The following ACAD10 variants were observed in gnomAD, a reference collection of about 807,000 sequenced individuals.
ACAD10 encodes ACAD-10.
A neutral mutation model predicts 116.8 loss-of-function variants in ACAD10; 112 were observed. That is an observed-to-expected ratio of 0.96 (90% CI 0.82 to 1.12). ACAD10 has a LOEUF of 1.12. Ranked by LOEUF, ACAD10 falls within the 50% of genes most tolerant of loss-of-function variation. The pLI is 0.00. For missense variants in ACAD10, 1,259 were observed against 1,350.2 expected (o/e 0.93, Z 1.06); for synonymous variants, 486 against 510.6 (o/e 0.95, Z 0.65).
At chr12:111,721,544 G>T in intron 7 of ACAD10, 127 bp from the exon 8 acceptor site, 1 of 804,228 alleles carries the variant, frequency 1.2e-6, no homozygotes, top group Admixed American at 2.6e-5. Flanking sequence ...CTCCAGCCTG[G>T]GTAACAGAGC....
intron 17 of ACAD10, 50 bp from the exon 18 acceptor site, chr12:111,749,123 A>G: frequency 9.3e-6 from 15 of 1,613,930 alleles, no homozygotes; most frequent in Non-Finnish European, 1.3e-5. Flanking sequence ...AAACACATCC[A>G]AGGAAAATGA....
chr12:111,752,780 G>C (rs555429004), intron 18 of ACAD10: 1 of 147,848 alleles, frequency 6.8e-6, no homozygotes, highest in African/African-American at 2.5e-5. Flanking sequence ...CTCTTTTTTT[G>C]TTCTGAAAAC....
chr12:111,744,037 C>T (rs1045733518), intron 12 of ACAD10, among the ~76,000 whole-genome samples: 18 of 151,994 alleles, frequency 1.2e-4, no homozygotes, highest in Admixed American at 3.3e-4. Context: ...TGTGAGCCAC[C>T]GCACCTGGCC....
chr12:111,745,080 C>T (rs781039801), intron 13 of ACAD10, 37 bp downstream of exon 13: 1 of 1,585,642 alleles, frequency 6.3e-7, no homozygotes, highest in Non-Finnish European at 8.6e-7. Flanking sequence ...GACCCCAATA[C>T]CATGGCATAC....
Position 111,744,850 on chromosome 12 carries a change from A to G in ACAD10, c.1922A>G (p.Glu641Gly), listed in dbSNP as rs373670200. The change falls in exon 13 of 21, where the codon GAA becomes GGA. Residue 641 changes from glutamate to glycine, a missense_variant. By Grantham distance (98) the Glu-to-Gly change is moderately conservative. Coordinates refer to ENST00000313698, the MANE Select transcript of ACAD10 (RefSeq NM_025247.6). ...AGCAGGAGTTATAGCTCCGTTCCAG[A>G]AGCTTCCCCAGCTCATACCTCAAGG... ...TGSRSYSSVPEASPAHTSRGG... is the reference protein window; with the variant it reads ...TGSRSYSSVPGASPAHTSRGG... The G allele has an allele frequency of 4.0e-4, 638 of 1,614,172 alleles. No individual in the cohort carries two copies. Among genetic ancestry groups the G allele is most frequent in the South Asian group, 1.9e-3 (170 of 91,080 alleles).
chr12:111,751,732 A>G (rs1406403798), intron 18 of ACAD10, among the ~76,000 whole-genome samples: 3 of 150,826 alleles, frequency 2.0e-5, no homozygotes, highest in Non-Finnish European at 4.4e-5. Flanking sequence ...CTCCATCTCA[A>G]AAAAAAAAAT....
rs141959148 is a variant in ACAD10, at chr12:111,744,805, C to T, written c.1877C>T (p.Ser626Phe). 4 of 1,614,130 alleles carry T rather than the reference C, an allele frequency of 2.5e-6. No individual in the cohort carries two copies. The African/African-American group carries it at 4.0e-5, about 16-fold the overall frequency. The part of the protein sequence containing the change: ...RSYHTWARPQ[S>F]QWCPTGSRSY... ...TACCACACGTGGGCCAGGCCCCAGT[C>T]CCAGTGGTGCCCCACAGGCAGCAGG... Residue 626 changes from serine to phenylalanine, a missense_variant, in exon 13 of 21, where the codon TCC becomes TTC. Physicochemically the swap from Ser to Phe is radical, Grantham distance 155. Coordinates refer to ENST00000313698, the MANE Select transcript of ACAD10 (RefSeq NM_025247.6).
At chr12:111,728,217 T>A (rs531111247) in intron 9 of ACAD10, 74 bp downstream of exon 9, 1 of 1,471,334 alleles carries the variant, frequency 6.8e-7, no homozygotes, top group East Asian at 2.3e-5. Flanking sequence ...CTGAATCGTT[T>A]TGGGTCGTTT....
chr12:111,687,758 G>C (rs534833409), intron 1 of ACAD10, among the ~76,000 whole-genome samples: 1 of 152,326 alleles, frequency 6.6e-6, no homozygotes, highest in South Asian at 2.1e-4. Flanking sequence ...GAGGCTTGGA[G>C]GAAGAGTAAC....
At chr12:111,703,083 C>CAAAA (rs1205550152) in intron 3 of ACAD10, among the ~76,000 whole-genome samples, 1 of 78,278 alleles carries the variant, frequency 1.3e-5, no homozygotes, top group African/African-American at 4.3e-5. Flanking sequence ...GACTCTGTCT[C>CAAAA]AAAAAAAAAA....
intron 2 of ACAD10, among the ~76,000 whole-genome samples, chr12:111,694,231 A>T (rs534613254): frequency 6.6e-6 from 1 of 152,162 alleles, no homozygotes; most frequent in Admixed American, 6.6e-5. Flanking sequence ...CAGTTGGGCC[A>T]TTGGTGCTAC....
rs1466879872 is a variant in ACAD10, at chr12:111,732,037, C to T, written c.1395-1886C>T. Among the ~76,000 whole-genome samples, 6 of 151,942 alleles carry T rather than the reference C, an allele frequency of 3.9e-5. 1 individual carries two copies. The highest frequency in any genetic ancestry group is 1.4e-4 in the African/African-American group (6 of 41,408). On this transcript the variant is annotated intron_variant, in intron 10 of 20. Transcript: ENST00000313698. ...CAGAGGTTGCAGTGAGCCAAGACCG[C>T]ACCACTGCACTCCAGCCTGGGTGAC... is the stretch of plus-strand genomic sequence containing the variant.
intron 2 of ACAD10, among the ~76,000 whole-genome samples, chr12:111,694,301 A>G (rs1888135357): frequency 6.6e-6 from 1 of 151,938 alleles, no homozygotes; most frequent in Non-Finnish European, 1.5e-5. Flanking sequence ...TATCTCTGTC[A>G]TGTTTACCTC....
chr12:111,748,252 C>G, intron 16 of ACAD10, 65 bp from the exon 17 acceptor site: 1 of 1,593,936 alleles, frequency 6.3e-7, no homozygotes, highest in Non-Finnish European at 8.6e-7. Flanking sequence ...GCCAGGACCA[C>G]GTGTGTAGAG....
chr12:111,753,960 T>G, intron 19 of ACAD10, 45 bp downstream of exon 19: 1 of 1,550,306 alleles, frequency 6.5e-7, no homozygotes, highest in Middle Eastern at 2.4e-4. Context: ...CAGAGATTCT[T>G]CCTCCTCACT....
At chr12:111,697,276 G>A (rs568525702) in intron 2 of ACAD10, among the ~76,000 whole-genome samples, 1 of 151,376 alleles carries the variant, frequency 6.6e-6, no homozygotes, top group Non-Finnish European at 1.5e-5. Context: ...AGGGTATAAT[G>A]ATTTCGAAAC....
chr12:111,719,801 C>T (rs1322933887), intron 7 of ACAD10, among the ~76,000 whole-genome samples: 1 of 152,136 alleles, frequency 6.6e-6, no homozygotes, highest in Non-Finnish European at 1.5e-5. Context: ...GATCTCGGCC[C>T]ACTGCAAGCT....
At chr12:111,746,344 A>G (rs1190874621) in intron 14 of ACAD10, 60 bp downstream of exon 14, 25 of 1,539,068 alleles carry the variant, frequency 1.6e-5, no homozygotes, top group Non-Finnish European at 2.0e-5. Flanking sequence ...TAAGAACTCA[A>G]TCCTAAACAG....
In ACAD10 at chr12:111,744,878, A is replaced by C. The variant is rs772110857; in HGVS notation, c.1950A>C (p.Gly650=). The change falls in exon 13 of 21, where the codon GGA becomes GGC. Residue 650 remains glycine, a synonymous_variant. Transcript: ENST00000313698. The stretch of plus-strand genomic sequence containing the variant: ...CTTCCCCAGCTCATACCTCAAGGGG[A>C]GGTCTGGTTATCTCTCCAGAGAGCC... The part of the protein sequence containing the change: ...PEASPAHTSR[G]GLVISPESLS... 1 of 1,614,102 alleles carries C rather than the reference A, an allele frequency of 6.2e-7. No individual in the cohort carries two copies. The highest frequency in any genetic ancestry group is 1.3e-5 in the African/African-American group (1 of 75,026).
Sources: gnomAD v4.1 joint callset for allele counts (sites outside exome capture counted in the v4.1 genomes callset) on GRCh38, gnomAD v4.1.1 for gene constraint, MANE v1.5 for transcripts, NCBI Gene and HGNC (gene_info 2026-07-23, HGNC 2026-07-21) for gene names.